Variants in NCOA6 observed in about 807,000 individuals in gnomAD.
NCOA6 encodes the protein nuclear receptor coactivator 6, also known as NRC RAP250.
NCOA6 carries 49 observed loss-of-function variants against 171.4 expected under a neutral mutation model. The ratio of observed to expected loss-of-function variants is 0.29; its 90% confidence interval spans 0.23 to 0.36. The LOEUF (loss-of-function observed/expected upper bound fraction) is 0.36. Ranked by LOEUF, NCOA6 falls within the 10% of genes least tolerant of loss-of-function variation. The probability of loss-of-function intolerance (pLI) is 1.00; values close to 1 mark genes in which losing one functional copy is unlikely to be tolerated. For synonymous variants in NCOA6, 910 were observed against 927.5 expected (o/e 0.98, Z 0.34); for missense variants, 2,248 against 2,554.5 (o/e 0.88, Z 2.59).
In NCOA6 at chr20:34,742,121, T is replaced by C; in HGVS notation, c.4135A>G (p.Thr1379Ala). Residue 1379 changes from threonine to alanine, a missense_variant, in exon 11 of 15, where the codon ACT (threonine) becomes GCT (alanine). By Grantham distance (58) the Thr-to-Ala change is moderately conservative (BLOSUM62 0). Around this residue, in one of 7 missense-constraint regions of NCOA6, gnomAD observed 884 missense variants for 941.9 expected, o/e 0.94. Transcript: ENST00000359003. ...ELPRNVLVSP[T>A]PLANPPVPGS... ...GGTACAGGGGGATTGGCCAGAGGAG[T>C]GGGACTGACCAATACATTTCTCGGC... The C allele has an allele frequency of 3.1e-6, 5 of 1,613,888 alleles. No homozygotes were observed. The highest frequency in any genetic ancestry group is 4.2e-6 in the Non-Finnish European group (5 of 1,179,984).
In NCOA6 at chr20:34,750,341, T is replaced by C. The variant is rs138086983; in HGVS notation, c.1854A>G (p.Pro618=). 2.3e-4 allele frequency: 365 copies of C among 1,613,908 alleles called. No individual in the cohort carries two copies. Among genetic ancestry groups the C allele is most frequent in the Non-Finnish European group, 2.9e-4 (339 of 1,179,980 alleles). ...NMQGQPQQGP[P]SQLMGMHQQI... is the part of the protein sequence containing the mutation. ...GCTGGTGCATGCCCATCAGCTGAGA[T>C]GGTGGGCCCTGCTGGGGCTGGCCTT... The change falls in exon 9 of 15, where the codon CCA becomes CCG. Residue 618 remains proline (P), a synonymous_variant. Transcript: ENST00000359003.
Position 34,781,769 on chromosome 20 carries a change from A to C in NCOA6, c.235+352T>G, listed in dbSNP as rs148832828. ...AGATTCATGGAATAATAAGTTTTCTAAGCTTTAAGGGTCCTTAAAGATTCA... is the reference window on the plus strand; with the variant it reads ...AGATTCATGGAATAATAAGTTTTCTCAGCTTTAAGGGTCCTTAAAGATTCA... On this transcript the variant is annotated intron_variant, in intron 3 of 14. Coordinates refer to ENST00000359003, the MANE Select transcript of NCOA6 (RefSeq NM_014071.5). Among the ~76,000 whole-genome samples the C allele has an allele frequency of 9.2e-3, 1,403 of 152,346 alleles. 29 individuals are homozygous for C. The highest frequency in any genetic ancestry group is 0.032 in the African/African-American group (1,333 of 41,580).
chr20:34,813,876 A>G (rs2078749902), intron 1 of NCOA6, among the ~76,000 whole-genome samples: 1 of 152,228 alleles, frequency 6.6e-6, no homozygotes. Context: ...ACTAGTAGCT[A>G]GTGGCACTAT....
intron 5 of NCOA6, among the ~76,000 whole-genome samples, chr20:34,760,973 C>T (rs958140756): frequency 4.5e-4 from 68 of 152,198 alleles, no homozygotes; most frequent in Non-Finnish European, 5.9e-5. Context: ...GTAATCCCAG[C>T]ACTTTGGGAG....
Position 34,715,252 on chromosome 20 carries a change from G to C in NCOA6, c.*70C>G. 1 of 1,603,490 alleles carries C rather than the reference G, an allele frequency of 6.2e-7. No homozygotes were observed. The highest frequency in any genetic ancestry group is 8.5e-7 in the Non-Finnish European group (1 of 1,171,520). On this transcript the variant is annotated 3_prime_UTR_variant, in exon 15 of 15. Transcript: ENST00000359003. The stretch of plus-strand genomic sequence containing the variant: ...ACTGTACAGAAATTGATTTAAAAAA[G>C]TCACAGCTCAAAATTGCTCTTTGTA...
chr20:34,733,851 A>C (rs1358862975), intron 12 of NCOA6, among the ~76,000 whole-genome samples: 3 of 7,834 alleles, frequency 3.8e-4, no homozygotes, highest in African/African-American at 1.1e-3. Flanking sequence ...ACTCTGTCCC[A>C]AAAAAAAAAA....
chr20:34,737,103 G>A (rs981288250), intron 11 of NCOA6, among the ~76,000 whole-genome samples: 1 of 152,022 alleles, frequency 6.6e-6, no homozygotes, highest in Non-Finnish European at 1.5e-5. Context: ...TATCTTAGTA[G>A]GCAACCCAAA....
rs1217305397 is a variant in NCOA6, at chr20:34,757,627, G to C, written c.1121C>G (p.Pro374Arg). 2 of 1,614,026 alleles carry C rather than the reference G, an allele frequency of 1.2e-6. No individual in the cohort carries two copies. The highest frequency in any genetic ancestry group is 1.7e-6 in the Non-Finnish European group (2 of 1,179,932). Residue 374 changes from proline (P) to arginine (R), a missense_variant, in exon 7 of 15, where the codon CCT (proline) becomes CGT (arginine). Pro to Arg is a moderately radical substitution (Grantham distance 103). This residue lies in a region of NCOA6 where 987 missense variants were observed against 1,104.7 expected (regional missense o/e 0.89). Coordinates refer to ENST00000359003, the MANE Select transcript of NCOA6 (RefSeq NM_014071.5). ...TTGCTGGCTGCCAAAGGGATATGGA[G>C]GGGGAGGGTGGGAAGGCGTCTGTAC... ...ATVQTPSHPP[P>R]PYPFGSQQAS...
At chr20:34,780,767 C>CCTCA (rs2077495401) in intron 3 of NCOA6, among the ~76,000 whole-genome samples, 1 of 152,148 alleles carries the variant, frequency 6.6e-6, no homozygotes, top group Non-Finnish European at 1.5e-5. Flanking sequence ...GATCCTCCCA[C>CCTCA]CTCAGCCTCT....
At chr20:34,805,889 T>C (rs1007814274) in intron 1 of NCOA6, among the ~76,000 whole-genome samples, 4 of 152,138 alleles carry the variant, frequency 2.6e-5, no homozygotes, top group Non-Finnish European at 5.9e-5. Context: ...GGTTTCACCA[T>C]AGTAGCCTGG....
At chr20:34,778,023 T>C (rs1347552202) in intron 3 of NCOA6, among the ~76,000 whole-genome samples, 1 of 152,126 alleles carries the variant, frequency 6.6e-6, no homozygotes, top group Non-Finnish European at 1.5e-5. Flanking sequence ...TTCTCCTGCC[T>C]CAGCATCCTG....
At chr20:34,734,375 T>G (rs1263619477) in intron 12 of NCOA6, among the ~76,000 whole-genome samples, 1 of 151,846 alleles carries the variant, frequency 6.6e-6, no homozygotes, top group Admixed American at 6.6e-5. Context: ...ATTTTTATTT[T>G]TTGGGGGATG....
At position 34,801,065 on chromosome 20, in the gene NCOA6, T is replaced by C. The variant is rs547827839; in HGVS notation, c.-163-8502A>G. On this transcript the variant is annotated intron_variant, in intron 1 of 14. Coordinates refer to ENST00000359003, the MANE Select transcript of NCOA6 (RefSeq NM_014071.5). Reference sequence around the variant, plus strand: ...CAATAACAAGTGAAATTTTGGAAACTATACAAACACATGGAAATTAAACAC... The same window carrying C: ...CAATAACAAGTGAAATTTTGGAAACCATACAAACACATGGAAATTAAACAC... Among the ~76,000 whole-genome samples the C allele has an allele frequency of 2.0e-5, 3 of 152,074 alleles. No individual in the cohort carries two copies. In the South Asian group the frequency reaches 6.2e-4, roughly 32 times the overall value.
intron 2 of NCOA6, among the ~76,000 whole-genome samples, chr20:34,791,601 T>C (rs1226533749): frequency 6.6e-6 from 1 of 152,154 alleles, no homozygotes; most frequent in Non-Finnish European, 1.5e-5. Context: ...AAAAAAAAAC[T>C]TTCTAGATAC....
At chr20:34,768,906 GGT>G (rs149688718) in intron 4 of NCOA6, among the ~76,000 whole-genome samples, 5 of 150,948 alleles carry the variant, frequency 3.3e-5, no homozygotes, top group East Asian at 1.9e-4. Context: ...GTGTGTGTGG[GGT>G]GTGTGTGTGT....
chr20:34,719,088 A>G (rs904060869), intron 14 of NCOA6, among the ~76,000 whole-genome samples: 29 of 152,334 alleles, frequency 1.9e-4, no homozygotes, highest in Admixed American at 1.8e-3. Flanking sequence ...CTTTTAAGTG[A>G]CTGTCCAACT....
At chr20:34,730,052 T>A (rs1990423507) in intron 13 of NCOA6, among the ~76,000 whole-genome samples, 1 of 123,028 alleles carries the variant, frequency 8.1e-6, no homozygotes, top group Non-Finnish European at 1.7e-5. Context: ...GGAAAGAAAG[T>A]TCTTTTTTTA....
At chr20:34,770,512 T>C (rs2077116486) in intron 4 of NCOA6, among the ~76,000 whole-genome samples, 1 of 152,158 alleles carries the variant, frequency 6.6e-6, no homozygotes, top group East Asian at 1.9e-4. Flanking sequence ...ACTATTAATA[T>C]ACAAAATTTG....
At chr20:34,721,967 C>T (rs1372548374) in intron 14 of NCOA6, among the ~76,000 whole-genome samples, 1 of 140,786 alleles carries the variant, frequency 7.1e-6, no homozygotes, top group Non-Finnish European at 1.5e-5. Context: ...AGGCAGGAGG[C>T]TTGCTTGAGC....
Sources: gnomAD v4.1 joint callset for allele counts (sites outside exome capture counted in the v4.1 genomes callset) on GRCh38, gnomAD v4.1.1 for gene constraint, gnomAD v4.1.1 regional missense constraint, MANE v1.5 for transcripts, NCBI Gene and HGNC (gene_info 2026-07-23, HGNC 2026-07-21) for gene names.